DUSP29: variants seen among roughly 807,000 people sequenced by gnomAD.
DUSP29 encodes the protein atypical dual-specific protein phosphatase.
Under a neutral mutation model 13.5 loss-of-function variants are expected in DUSP29, and 12 were observed. The ratio of observed to expected loss-of-function variants is 0.89; its 90% CI spans 0.57 to 1.44. The LOEUF (loss-of-function observed/expected upper bound fraction) is 1.44, where lower values mean the gene tolerates loss of function less well. Ranked by LOEUF, DUSP29 falls within the 40% of genes most tolerant of loss-of-function variation. The pLI is 0.00. For missense variants in DUSP29, 308 were observed against 301.1 expected, an observed-to-expected ratio of 1.02 and a Z score of -0.17; for synonymous variants, 134 against 128.7, an observed-to-expected ratio of 1.04 and a Z score of -0.28.
intron 2 of DUSP29, among the ~76,000 whole-genome samples, chr10:75,047,770 A>C (rs1306863542): frequency 6.6e-6 from 1 of 152,240 alleles, no homozygotes; most frequent in Non-Finnish European, 1.5e-5. Flanking sequence ...TCAATGTAGA[A>C]TGTAGAAAAC....
chr10:75,070,212 T>C (rs556835154), intron 1 of DUSP29, among the ~76,000 whole-genome samples: 103 of 152,070 alleles, frequency 6.8e-4, no homozygotes, highest in South Asian at 1.2e-3. Flanking sequence ...TCAGGGAGGT[T>C]AAGAAACAAC....
chr10:75,070,449 G>A (rs751566578), intron 1 of DUSP29, among the ~76,000 whole-genome samples: 10 of 152,114 alleles, frequency 6.6e-5, no homozygotes, highest in Non-Finnish European at 1.2e-4. Context: ...CCTGGGCTTC[G>A]GCTTCCTCAT....
rs767420877 is a variant in DUSP29, at chr10:75,044,063, CG to C, written c.201-47del. The stretch of plus-strand genomic sequence containing the variant: ...TCTGTGGGCGCGCGGCGCCCTGCCC[CG>C]GGTCCGGGAAACTCAGGGGCCACCC... On this transcript the variant is annotated intron_variant, in intron 2 of 3. Transcript: ENST00000338487. 5 of 1,566,056 alleles carry C rather than the reference CG, an allele frequency of 3.2e-6. No individual in the cohort carries two copies. In the African/African-American group the frequency reaches 5.4e-5, roughly 17 times the overall value.
rs551751082 is a variant in DUSP29, at chr10:75,050,887, T to C, written c.201-6870A>G. 7.2e-5 allele frequency among the ~76,000 whole-genome samples: 11 copies of C among 152,332 alleles called. No individual in the cohort carries two copies. In the East Asian group the frequency reaches 2.1e-3, roughly 29 times the overall value. On this transcript the variant is annotated intron_variant, in intron 2 of 3. Coordinates refer to ENST00000338487, the MANE Select transcript of DUSP29 (RefSeq NM_001003892.3). ...GTGAGCACCCTCCACGTTGCCCTCC[T>C]GTTTGTGGCCTTTTCTCATCAGGCT...
intron 1 of DUSP29, among the ~76,000 whole-genome samples, chr10:75,072,684 C>T (rs1209085990): frequency 6.6e-6 from 1 of 152,070 alleles, no homozygotes; most frequent in Non-Finnish European, 1.5e-5. Context: ...GTGCTGGCGG[C>T]CGTGAGTGTG....
intron 3 of DUSP29, among the ~76,000 whole-genome samples, chr10:75,041,852 A>G (rs1423165759): frequency 6.6e-6 from 1 of 152,078 alleles, no homozygotes; most frequent in African/African-American, 2.4e-5. Context: ...CCTCCTCATA[A>G]TGTTCTGTCA....
chr10:75,044,570 C>A (rs552127923), intron 2 of DUSP29, among the ~76,000 whole-genome samples: 2 of 152,268 alleles, frequency 1.3e-5, no homozygotes, highest in East Asian at 3.9e-4. Flanking sequence ...AGCTGTTGCC[C>A]AGCTGGGCAG....
intron 3 of DUSP29, among the ~76,000 whole-genome samples, chr10:75,038,791 GT>G (rs1271967741): frequency 6.6e-6 from 1 of 152,142 alleles, no homozygotes; most frequent in Non-Finnish European, 1.5e-5. Context: ...CTAAGCTCTG[GT>G]AGGAGTTCCA....
At chr10:75,064,155 C>G (rs1847144612) in intron 1 of DUSP29, among the ~76,000 whole-genome samples, 2 of 152,098 alleles carry the variant, frequency 1.3e-5, no homozygotes, top group South Asian at 4.1e-4. Context: ...CCTCTTGCCT[C>G]AGCCTCCCAA....
chr10:75,058,410 G>A lies in DUSP29; in HGVS notation c.105C>T (p.Thr35=), dbSNP rs1352763756. ...EEEGEEEDYC[T]PGAFELERLF... Reference sequence around the variant, plus strand: ...GCCGCTCCAGCTCAAAGGCTCCAGGGGTGCAGTAGTCCTCCTCCTCCCCTT... The same window carrying A: ...GCCGCTCCAGCTCAAAGGCTCCAGGAGTGCAGTAGTCCTCCTCCTCCCCTT... The change falls in exon 2 of 4, where the codon ACC becomes ACT. Residue 35 remains threonine, a synonymous_variant. Coordinates refer to ENST00000338487, the MANE Select transcript of DUSP29 (RefSeq NM_001003892.3). 1.2e-6 allele frequency: 2 copies of A among 1,614,190 alleles called. No homozygotes were observed. The highest frequency in any genetic ancestry group is 1.7e-5 in the Admixed American group (1 of 60,022).
At chr10:75,041,695 C>A (rs984969620) in intron 3 of DUSP29, among the ~76,000 whole-genome samples, 2 of 152,230 alleles carry the variant, frequency 1.3e-5, no homozygotes, top group Non-Finnish European at 2.9e-5. Flanking sequence ...GCTCCCCATC[C>A]CTAGCCATCT....
At chr10:75,064,139 C>T (rs1045412772) in intron 1 of DUSP29, among the ~76,000 whole-genome samples, 7 of 152,092 alleles carry the variant, frequency 4.6e-5, no homozygotes, top group African/African-American at 1.7e-4. Flanking sequence ...CTCCTGGGCT[C>T]AATATCCTCT....
intron 3 of DUSP29, among the ~76,000 whole-genome samples, chr10:75,042,099 C>T (rs1846597060): frequency 6.6e-6 from 1 of 152,214 alleles, no homozygotes; most frequent in Non-Finnish European, 1.5e-5. Context: ...TTATCAAATA[C>T]ATCCGAGAGC....
chr10:75,065,564 A>G (rs1847182259), intron 1 of DUSP29, among the ~76,000 whole-genome samples: 1 of 152,048 alleles, frequency 6.6e-6, no homozygotes, highest in African/African-American at 2.4e-5. Context: ...TCTGACCTCA[A>G]ATGATCCACC....
In DUSP29 at chr10:75,044,022, G is replaced by A. The variant is rs752235570; in HGVS notation, c.201-5C>T. 1 of 1,604,508 alleles carries A rather than the reference G, an allele frequency of 6.2e-7. No homozygotes were observed. Among genetic ancestry groups the A allele is most frequent in the South Asian group, 1.1e-5 (1 of 90,870 alleles). The stretch of plus-strand genomic sequence containing the variant: ...TAGCGGTCCAGCGCCGTCGCCCTGG[G>A]CGCAGGGGAGAGAAATCTGTGGGCG... On this transcript the variant is annotated splice_region_variant and splice_polypyrimidine_tract_variant and intron_variant, in intron 2 of 3. Transcript: ENST00000338487.
chr10:75,059,560 G>A (rs1208285395), intron 1 of DUSP29, among the ~76,000 whole-genome samples: 1 of 152,162 alleles, frequency 6.6e-6, no homozygotes, highest in African/African-American at 2.4e-5. Flanking sequence ...CACTGAGATA[G>A]GGTTATCCTA....
In DUSP29 at chr10:75,037,498, A is replaced by G. The variant is rs1275908805; in HGVS notation, c.*338T>C. 6.6e-6 allele frequency among the ~76,000 whole-genome samples: 1 copy of G among 152,224 alleles called. No individual in the cohort carries two copies. Among genetic ancestry groups the G allele is most frequent in the Non-Finnish European group, 1.5e-5 (1 of 68,040 alleles). The stretch of plus-strand genomic sequence containing the variant: ...TTCAGACAAAGCCAAACGTTTAATC[A>G]CAACATACTGCCTACACATTTTAAA... On this transcript the variant is annotated 3_prime_UTR_variant, in exon 4 of 4. Coordinates refer to ENST00000338487, the MANE Select transcript of DUSP29 (RefSeq NM_001003892.3).
chr10:75,056,926 G>C (rs1846972607), intron 2 of DUSP29, among the ~76,000 whole-genome samples: 1 of 152,106 alleles, frequency 6.6e-6, no homozygotes, highest in South Asian at 2.1e-4. Flanking sequence ...GCTTACCCTG[G>C]ATCTTCCTAT....
intron 2 of DUSP29, among the ~76,000 whole-genome samples, chr10:75,055,018 T>A (rs1468562457): frequency 1.3e-5 from 2 of 152,098 alleles, no homozygotes; most frequent in Non-Finnish European, 2.9e-5. Context: ...TTTTAAAAAT[T>A]TTTGGTAGAG....
Sources: allele counts gnomAD v4.1 joint callset (sites outside exome capture counted in the v4.1 genomes callset), GRCh38; gene constraint gnomAD v4.1.1; transcripts MANE v1.5; gene names NCBI Gene and HGNC (gene_info 2026-07-23, HGNC 2026-07-21).